The following VSTM4 variants were observed in gnomAD, a reference collection of about 807,000 sequenced individuals.
The protein encoded by VSTM4 is V-set and transmembrane domain containing 4.
VSTM4 carries 20 observed loss-of-function variants against 36.4 expected under a neutral mutation model. That is an observed-to-expected ratio of 0.55 (90% confidence interval 0.39 to 0.80). The LOEUF is 0.80. Among genes scored for constraint, VSTM4 ranks in the 30% least tolerant of loss-of-function variants. The pLI is 0.00. For missense variants in VSTM4, 392 were observed against 404.5 expected (o/e 0.97, Z 0.26); for synonymous variants, 182 against 173.9 (o/e 1.05, Z -0.37).
intron 7 of VSTM4, among the ~76,000 whole-genome samples, chr10:49,031,699 A>G (rs1164579193): frequency 6.6e-6 from 1 of 152,210 alleles, no homozygotes; most frequent in African/African-American, 2.4e-5. Flanking sequence ...TGCCCTGCAC[A>G]CAGTTCTCCA....
intron 4 of VSTM4, among the ~76,000 whole-genome samples, chr10:49,072,193 C>T (rs61166027): frequency 0.17 from 26,574 of 152,132 alleles, 2,663 homozygotes; most frequent in Non-Finnish European, 0.23. Flanking sequence ...GAGCATCTTG[C>T]GGTGCAGCCT....
chr10:49,078,510 A>C (rs897466433), intron 3 of VSTM4, among the ~76,000 whole-genome samples: 16 of 147,632 alleles, frequency 1.1e-4, no homozygotes, highest in African/African-American at 3.6e-4. Context: ...ATCTCCAGAG[A>C]AGTACGCTGA....
chr10:49,027,027 G>A (rs1480104513), intron 7 of VSTM4, among the ~76,000 whole-genome samples: 1 of 152,082 alleles, frequency 6.6e-6, no homozygotes, highest in Non-Finnish European at 1.5e-5. Flanking sequence ...TCACACACAA[G>A]GTGGACCCCT....
intron 7 of VSTM4, among the ~76,000 whole-genome samples, chr10:49,023,053 A>G (rs1722374814): frequency 1.3e-5 from 2 of 152,252 alleles, no homozygotes; most frequent in Admixed American, 6.5e-5. Context: ...AAATAAAAGT[A>G]GTACTTTCAT....
At chr10:49,108,637 T>A (rs1443994626) in intron 1 of VSTM4, among the ~76,000 whole-genome samples, 1 of 152,200 alleles carries the variant, frequency 6.6e-6, no homozygotes, top group Admixed American at 6.5e-5. Context: ...GGATCCATCG[T>A]CTCAGAGTTG....
intron 6 of VSTM4, among the ~76,000 whole-genome samples, chr10:49,047,606 G>A (rs1179363807): frequency 6.6e-6 from 1 of 152,178 alleles, no homozygotes; most frequent in Non-Finnish European, 1.5e-5. Context: ...TATCTACTGT[G>A]GAATGAACGA....
intron 3 of VSTM4, 76 bp downstream of exon 3, chr10:49,085,879 T>TA: frequency 1.1e-6 from 1 of 934,296 alleles, no homozygotes; most frequent in East Asian, 2.6e-5. Flanking sequence ...CCCTAGAACT[T>TA]AAAGTATAAT....
chr10:49,021,554 G>A (rs1843182357), intron 7 of VSTM4, among the ~76,000 whole-genome samples: 1 of 152,158 alleles, frequency 6.6e-6, no homozygotes, highest in South Asian at 2.1e-4. Context: ...AAGGACAACA[G>A]ACAGGACCAG....
rs76885494 is a variant in VSTM4, at chr10:49,028,036, C to T, written c.838-8261G>A. Among the ~76,000 whole-genome samples, 1,039 of 152,344 alleles carry T rather than the reference C, an allele frequency of 6.8e-3. 11 individuals carry two copies. The highest frequency in any genetic ancestry group is 0.024 in the African/African-American group (978 of 41,578). ...AGGGTGGACCATTTTGCCCTCCCAC[C>T]TGCAAAGCATGAGCGTTTCAATTGC... On this transcript the variant is annotated intron_variant, in intron 7 of 7. Coordinates refer to ENST00000332853, the MANE Select transcript of VSTM4 (RefSeq NM_001031746.5).
At chr10:49,054,161 C>T (rs928373704) in intron 5 of VSTM4, among the ~76,000 whole-genome samples, 1 of 152,166 alleles carries the variant, frequency 6.6e-6, no homozygotes, top group Non-Finnish European at 1.5e-5. Context: ...GGCCTGCTTC[C>T]TCTGGCCCTG....
intron 7 of VSTM4, among the ~76,000 whole-genome samples, chr10:49,034,659 T>C (rs541819042): frequency 6.0e-4 from 91 of 152,354 alleles, no homozygotes; most frequent in Non-Finnish European, 9.4e-4. Context: ...CTTCTTGATA[T>C]TTTGGGTGCC....
chr10:49,094,864 T>A (rs1466624596), intron 2 of VSTM4, among the ~76,000 whole-genome samples: 1 of 152,120 alleles, frequency 6.6e-6, no homozygotes, highest in Non-Finnish European at 1.5e-5. Context: ...GCCTATTGCT[T>A]CCTTTCTCCC....
intron 2 of VSTM4, among the ~76,000 whole-genome samples, chr10:49,091,307 T>A (rs1844469776): frequency 6.6e-6 from 1 of 152,082 alleles, no homozygotes; most frequent in African/African-American, 2.4e-5. Context: ...CTCTGGGGCC[T>A]CCCCAGGAGC....
chr10:49,101,384 C>T (rs1844663500), intron 2 of VSTM4, among the ~76,000 whole-genome samples: 1 of 152,064 alleles, frequency 6.6e-6, no homozygotes, highest in Non-Finnish European at 1.5e-5. Context: ...CACACGTACA[C>T]ATATATAAAA....
Position 49,107,873 on chromosome 10 carries a change from C to T in VSTM4, c.178G>A (p.Val60Met), listed in dbSNP as rs769195556. ...AAGGAGTGTGCAAAGAACCAGCGCA[C>T]GGCCAGCAAGCTGTCCTTCCGCCTT... ...QKRRKDSLLA[V>M]RWFFAHSFDS... The change falls in exon 2 of 8, where the codon GTG becomes ATG. Residue 60 changes from valine to methionine, a missense_variant. Transcript: ENST00000332853. The T allele has an allele frequency of 2.3e-5, 37 of 1,614,094 alleles. No homozygotes were observed. Among genetic ancestry groups the T allele is most frequent in the South Asian group, 6.6e-5 (6 of 91,092 alleles).
At chr10:49,028,435 C>A (rs12767010) in intron 7 of VSTM4, among the ~76,000 whole-genome samples, 25,809 of 152,162 alleles carry the variant, frequency 0.17, 2,410 homozygotes, top group South Asian at 0.36. Context: ...ATGCAAGCCC[C>A]TTTTCCCCCA....
At chr10:49,061,830 A>G (rs1843883248) in intron 5 of VSTM4, among the ~76,000 whole-genome samples, 1 of 152,200 alleles carries the variant, frequency 6.6e-6, no homozygotes, top group Non-Finnish European at 1.5e-5. Context: ...CCACTCTGTG[A>G]GTCTCTGAAA....
chr10:49,107,787 C>G lies in VSTM4; in HGVS notation c.264G>C (p.Gly88=). 2 of 1,614,254 alleles carry G rather than the reference C, an allele frequency of 1.2e-6. No homozygotes were observed. Among genetic ancestry groups the G allele is most frequent in the South Asian group, 2.2e-5 (2 of 91,086 alleles). The change falls in exon 2 of 8, where the codon GGG becomes GGC. Residue 88 remains glycine, a synonymous_variant. Transcript: ENST00000332853. ...GCCGTTTGGCGCTGCGGCTGAAATT[C>G]CCATAGTACTGCACCACCCGGAGCT... ...MTKLRVVQYY[G]NFSRSAKRRR... is the part of the protein sequence containing the mutation.
chr10:49,091,870 C>A (rs994473939), intron 2 of VSTM4, among the ~76,000 whole-genome samples: 1 of 152,204 alleles, frequency 6.6e-6, no homozygotes, highest in Non-Finnish European at 1.5e-5. Flanking sequence ...GCTTAAATTG[C>A]AACTCTAGGC....
Sources: gnomAD v4.1 joint callset for allele counts (sites outside exome capture counted in the v4.1 genomes callset) on GRCh38, gnomAD v4.1.1 for gene constraint, MANE v1.5 for transcripts, NCBI Gene and HGNC (gene_info 2026-07-23, HGNC 2026-07-21) for gene names.